The following SLC8A3 variants were observed in gnomAD, a reference collection of about 807,000 sequenced individuals.
SLC8A3 encodes the protein sodium/calcium exchanger 3.
In SLC8A3, 37 loss-of-function variants were observed where a neutral mutation model predicts 65.4. The observed-to-expected ratio is 0.57, with a 90% CI of 0.44 to 0.74. The LOEUF (loss-of-function observed/expected upper bound fraction) is 0.74. SLC8A3 is among the 30% of genes least tolerant of loss of function. SLC8A3 has a pLI of 0.00. For synonymous variants in SLC8A3, 461 were observed against 444.5 expected (o/e 1.04, Z -0.47); for missense variants, 1,112 against 1,172.1 (o/e 0.95, Z 0.75).
intron 2 of SLC8A3, among the ~76,000 whole-genome samples, chr14:70,110,500 T>C (rs1893214531): frequency 6.6e-6 from 1 of 152,134 alleles, no homozygotes; most frequent in African/African-American, 2.4e-5. Flanking sequence ...GTTCCATCCA[T>C]GTTGTTGCTA....
At chr14:70,088,815 C>T (rs1891624174) in intron 2 of SLC8A3, among the ~76,000 whole-genome samples, 2 of 152,166 alleles carry the variant, frequency 1.3e-5, no homozygotes, top group South Asian at 2.1e-4. Flanking sequence ...GCATTCTTGC[C>T]TGCATTCTGG....
intron 3 of SLC8A3, 123 bp downstream of exon 3, chr14:70,060,699 AAAAGAGAAAGGAGG>A (rs1436169761): frequency 1.3e-6 from 1 of 764,610 alleles, no homozygotes; most frequent in Non-Finnish European, 2.4e-6. Context: ...CCATTGGTCA[AAAAGAGAAAGGAGG>A]AGAAGGGAAG....
At chr14:70,154,724 T>A (rs1258707794) in intron 2 of SLC8A3, among the ~76,000 whole-genome samples, 1 of 152,222 alleles carries the variant, frequency 6.6e-6, no homozygotes, top group East Asian at 1.9e-4. Flanking sequence ...CCCTTAGATA[T>A]AATTTAAAAC....
chr14:70,125,672 A>G (rs1184539411), intron 2 of SLC8A3, among the ~76,000 whole-genome samples: 1 of 152,122 alleles, frequency 6.6e-6, no homozygotes, highest in Non-Finnish European at 1.5e-5. Flanking sequence ...ATAATAATTT[A>G]TCTTCCTTTG....
intron 2 of SLC8A3, among the ~76,000 whole-genome samples, chr14:70,152,886 T>A (rs1269563913): frequency 6.6e-6 from 1 of 152,210 alleles, no homozygotes; most frequent in Non-Finnish European, 1.5e-5. Context: ...AGATAGGACA[T>A]AATTACATGC....
chr14:70,166,883 C>T lies in SLC8A3; in HGVS notation c.1540G>A (p.Ala514Thr), dbSNP rs774322975. Residue 514 changes from alanine (A) to threonine (T), a missense_variant, in exon 2 of 7, where the codon GCC (alanine) becomes ACC (threonine). Coordinates refer to ENST00000356921, the MANE Select transcript of SLC8A3 (RefSeq NM_182932.3). Reference protein sequence around the residue: ...NSLPLPRAVLASPCVATVTIL... With the variant: ...NSLPLPRAVLTSPCVATVTIL... ...GTAACTGTGGCCACACAAGGGGAGGCTAGGACAGCCCGAGGCAAGGGAAGA... is the reference window on the plus strand; with the variant it reads ...GTAACTGTGGCCACACAAGGGGAGGTTAGGACAGCCCGAGGCAAGGGAAGA... The T allele has an allele frequency of 1.2e-6, 2 of 1,614,092 alleles. No individual in the cohort carries two copies. The highest frequency in any genetic ancestry group is 1.7e-6 in the Non-Finnish European group (2 of 1,179,980).
intron 2 of SLC8A3, among the ~76,000 whole-genome samples, chr14:70,080,864 G>T (rs1306982397): frequency 6.6e-6 from 1 of 152,146 alleles, no homozygotes; most frequent in Non-Finnish European, 1.5e-5. Context: ...TCATTTCACT[G>T]GGTCCTCAAA....
chr14:70,086,772 CTA>C (rs766772480), intron 2 of SLC8A3, among the ~76,000 whole-genome samples: 8 of 152,152 alleles, frequency 5.3e-5, no homozygotes, highest in Non-Finnish European at 1.2e-4. Flanking sequence ...CTGTAATGGG[CTA>C]TTTTTGCTGG....
chr14:70,161,030 G>C (rs1159218728), intron 2 of SLC8A3, among the ~76,000 whole-genome samples: 3 of 150,324 alleles, frequency 2.0e-5, no homozygotes, highest in Non-Finnish European at 3.0e-5. Flanking sequence ...GGATCACGAG[G>C]TCAGGAGATC....
Position 70,167,933 on chromosome 14 carries a change from C to G in SLC8A3, c.490G>C (p.Asp164His). Residue 164 changes from aspartate to histidine, a missense_variant, in exon 2 of 7, where the codon GAT (aspartate) becomes CAT (histidine). Physicochemically the swap from Asp to His is moderately conservative, Grantham distance 81. Coordinates refer to ENST00000356921, the MANE Select transcript of SLC8A3 (RefSeq NM_182932.3). ...CCTACAATGGTAGAAGGTCCCAGAT[C>G]ACCAGCAATGAACCCATGACCACAC... is the stretch of plus-strand genomic sequence containing the variant. ...EVCGHGFIAG[D>H]LGPSTIVGSA... The G allele has an allele frequency of 1.2e-6, 2 of 1,614,176 alleles. No homozygotes were observed. Among genetic ancestry groups the G allele is most frequent in the Non-Finnish European group, 1.7e-6 (2 of 1,180,018 alleles).
At chr14:70,068,901 AT>A (rs1375168618) in intron 2 of SLC8A3, among the ~76,000 whole-genome samples, 1 of 151,476 alleles carries the variant, frequency 6.6e-6, no homozygotes, top group Admixed American at 6.6e-5. Flanking sequence ...TAATTTTTGT[AT>A]TTTTTCTAGA....
chr14:70,099,677 A>G (rs1892434129), intron 2 of SLC8A3, among the ~76,000 whole-genome samples: 1 of 152,234 alleles, frequency 6.6e-6, no homozygotes, highest in Non-Finnish European at 1.5e-5. Context: ...TTGTTTTTCA[A>G]GGATACACTG....
At chr14:70,098,872 T>C (rs1245997200) in intron 2 of SLC8A3, among the ~76,000 whole-genome samples, 10 of 152,206 alleles carry the variant, frequency 6.6e-5, no homozygotes, top group African/African-American at 1.9e-4. Context: ...AAGAGAAAGG[T>C]TGAGAAAAGC....
At chr14:70,081,379 C>A (rs1442429990) in intron 2 of SLC8A3, among the ~76,000 whole-genome samples, 1 of 152,236 alleles carries the variant, frequency 6.6e-6, no homozygotes, top group Non-Finnish European at 1.5e-5. Context: ...GTTAAACAAA[C>A]AACTCTTGAC....
intron 2 of SLC8A3, among the ~76,000 whole-genome samples, chr14:70,163,634 T>C (rs1897009653): frequency 6.6e-6 from 1 of 152,196 alleles, no homozygotes; most frequent in Non-Finnish European, 1.5e-5. Flanking sequence ...CTTGCTAAAT[T>C]GGCGTTGAAA....
chr14:70,071,414 G>C (rs1210460841), intron 2 of SLC8A3, among the ~76,000 whole-genome samples: 2 of 152,206 alleles, frequency 1.3e-5, no homozygotes, highest in Non-Finnish European at 2.9e-5. Flanking sequence ...AAGCCAGAAA[G>C]ATACGAGCCA....
rs900908617 is a variant in SLC8A3, at chr14:70,175,129, A to C, written c.-62-6645T>G. ...AGAAGAAGAGAAAAGAAAGCTTCCT[A>C]GACAGACCAGGGCATCAGCAGGCCT... On this transcript the variant is annotated intron_variant, in intron 1 of 6. Transcript: ENST00000356921. Among the ~76,000 whole-genome samples, 8 of 152,310 alleles carry C rather than the reference A, an allele frequency of 5.3e-5. No homozygotes were observed. The South Asian group carries it at 1.7e-3, about 32-fold the overall frequency.
chr14:70,135,908 C>T (rs965812942), intron 2 of SLC8A3, among the ~76,000 whole-genome samples: 1 of 151,924 alleles, frequency 6.6e-6, no homozygotes, highest in Non-Finnish European at 1.5e-5. Context: ...TTATAATGTC[C>T]CCAATCAAAG....
intron 3 of SLC8A3, among the ~76,000 whole-genome samples, chr14:70,056,601 A>G (rs950027430): frequency 6.6e-6 from 1 of 152,172 alleles, no homozygotes; most frequent in Non-Finnish European, 1.5e-5. Flanking sequence ...GTAGTGTTCA[A>G]TTAAGTTTGG....
Sources: allele counts gnomAD v4.1 joint callset (sites outside exome capture counted in the v4.1 genomes callset), GRCh38; gene constraint gnomAD v4.1.1; transcripts MANE v1.5; gene names NCBI Gene and HGNC (gene_info 2026-07-23, HGNC 2026-07-21).